Variants in VPS13D observed in about 807,000 individuals in gnomAD.
VPS13D encodes intermembrane lipid transfer protein VPS13D.
VPS13D carries 187 observed loss-of-function variants against 461.9 expected under a neutral mutation model. That is an observed-to-expected ratio of 0.40 (90% CI 0.36 to 0.46). The LOEUF is 0.46. Among genes scored for constraint, VPS13D ranks in the 20% least tolerant of loss-of-function variants. The probability of loss-of-function intolerance (pLI) is 0.60; values close to 1 mark genes in which losing one functional copy is unlikely to be tolerated. For missense variants in VPS13D, 4,711 were observed against 5,364.9 expected (o/e 0.88, Z 3.81); for synonymous variants, 1,951 against 1,986.3 (o/e 0.98, Z 0.47).
intron 30 of VPS13D, among the ~76,000 whole-genome samples, chr1:12,316,961 C>T (rs749681307): frequency 3.9e-5 from 6 of 152,210 alleles, no homozygotes; most frequent in African/African-American, 1.4e-4. Context: ...TGGGTTTTCA[C>T]GTCAAATGTA....
At chr1:12,293,856 G>A in intron 24 of VPS13D, 152 bp downstream of exon 24, 1 of 765,104 alleles carries the variant, frequency 1.3e-6, no homozygotes, top group East Asian at 2.9e-5. Context: ...TTGTGTAATT[G>A]AAGAGCTTTG....
chr1:12,446,303 GTCAC>G (rs1645191347), intron 65 of VPS13D, among the ~76,000 whole-genome samples: 1 of 152,010 alleles, frequency 6.6e-6, no homozygotes, highest in African/African-American at 2.4e-5. Flanking sequence ...TGTAATCCCA[GTCAC>G]TCAGGAGGCT....
chr1:12,414,941 AG>A, intron 63 of VPS13D, 145 bp from the exon 64 acceptor site: 1 of 890,742 alleles, frequency 1.1e-6, no homozygotes, highest in South Asian at 2.0e-5. Context: ...TTATAGTTAT[AG>A]GGAAAATCCT....
At chr1:12,267,986 G>GAGCGA in intron 15 of VPS13D, 66 bp downstream of exon 15, 5 of 1,384,784 alleles carry the variant, frequency 3.6e-6, no homozygotes, top group Non-Finnish European at 5.0e-6. Context: ...CTTTGAGACA[G>GAGCGA]GGCCTCGCTC....
chr1:12,414,387 G>T (rs1049955037), intron 63 of VPS13D, among the ~76,000 whole-genome samples: 16 of 152,092 alleles, frequency 1.1e-4, no homozygotes, highest in Non-Finnish European at 1.8e-4. Context: ...AACAATGGTG[G>T]TTAAATACAT....
intron 56 of VPS13D, 146 bp downstream of exon 56, chr1:12,378,737 T>C: frequency 2.4e-6 from 2 of 844,790 alleles, no homozygotes; most frequent in East Asian, 3.1e-5. Flanking sequence ...TTCCCAAATA[T>C]GAGTATTGGG....
At chr1:12,310,643 G>A (rs577526595) in intron 27 of VPS13D, among the ~76,000 whole-genome samples, 13 of 152,228 alleles carry the variant, frequency 8.5e-5, no homozygotes, top group South Asian at 8.3e-4. Context: ...AAAGATCTTG[G>A]CATCTTTTCT....
rs189295391 is a variant in VPS13D, at chr1:12,279,852, A to G, written c.4602+202A>G. ...GGAATCCGTCTTGTCAGCCTTTTTC[A>G]TATGGAGGAGGGGTGGGTTATCTAG... On this transcript the variant is annotated intron_variant, in intron 20 of 69. Coordinates refer to ENST00000620676, the MANE Select transcript of VPS13D (RefSeq NM_015378.4). The surrounding 1 kb of genome is among the most constrained non-coding windows in gnomAD (Gnocchi z 4.3). Among the ~76,000 whole-genome samples, 151 of 152,148 alleles carry G rather than the reference A, an allele frequency of 9.9e-4. 1 individual carries two copies. The highest frequency in any genetic ancestry group is 3.2e-3 in the African/African-American group (133 of 41,544).
intron 66 of VPS13D, among the ~76,000 whole-genome samples, chr1:12,457,860 T>G (rs1296135450): frequency 6.6e-6 from 1 of 152,252 alleles, no homozygotes; most frequent in Non-Finnish European, 1.5e-5. Context: ...ATTTTAAAAG[T>G]TGACTGTTGG....
intron 37 of VPS13D, among the ~76,000 whole-genome samples, chr1:12,332,539 GTA>G (rs1557715110): frequency 6.6e-6 from 1 of 152,168 alleles, no homozygotes; most frequent in African/African-American, 2.4e-5. Flanking sequence ...CTTAAGAAAG[GTA>G]TATATGCTTG....
chr1:12,376,650 C>T (rs1276823864), intron 55 of VPS13D, among the ~76,000 whole-genome samples: 1 of 152,142 alleles, frequency 6.6e-6, no homozygotes, highest in Non-Finnish European at 1.5e-5. Context: ...ATTTTGACTC[C>T]AATGTTCATG....
chr1:12,276,846 T>G lies in VPS13D; in HGVS notation c.3258T>G (p.Phe1086Leu), dbSNP rs531380964. 6.2e-7 allele frequency: 1 copy of G among 1,614,168 alleles called. No individual in the cohort carries two copies. The highest frequency in any genetic ancestry group is 1.1e-5 in the South Asian group (1 of 91,072). ...QESLIKLEYQFVSSECPSMNL... is the reference protein window; with the variant it reads ...QESLIKLEYQLVSSECPSMNL... ...CCCTTATTAAGTTGGAATATCAGTT[T>G]GTGAGTTCAGAGTGCCCATCGATGA... Residue 1086 changes from phenylalanine (F) to leucine (L), a missense_variant, in exon 19 of 70, where the codon TTT (phenylalanine) becomes TTG (leucine). Phe to Leu is a conservative substitution (Grantham distance 22). This residue lies in a region of VPS13D where 4,411 missense variants were observed against 4,937.8 expected (regional missense o/e 0.89). Coordinates refer to ENST00000620676, the MANE Select transcript of VPS13D (RefSeq NM_015378.4). This position sits in a 1 kb window ranked among gnomAD's most constrained non-coding sequence, Gnocchi z 4.5.
chr1:12,238,343 C>T (rs1233256126), intron 2 of VPS13D, among the ~76,000 whole-genome samples: 1 of 150,794 alleles, frequency 6.6e-6, no homozygotes, highest in African/African-American at 2.4e-5. Context: ...GAGGCTGAGG[C>T]AGGAAGATCC....
chr1:12,443,882 G>A (rs909985375), intron 65 of VPS13D, among the ~76,000 whole-genome samples: 8 of 142,448 alleles, frequency 5.6e-5, no homozygotes, highest in African/African-American at 1.8e-4. Context: ...GTCTTGTTCT[G>A]TTGTCCAGGC....
chr1:12,483,281 T>C (rs1233488278), intron 67 of VPS13D, among the ~76,000 whole-genome samples: 1 of 152,218 alleles, frequency 6.6e-6, no homozygotes, highest in Non-Finnish European at 1.5e-5. Context: ...GAACCAGGCA[T>C]TGTTACTCTT....
rs773576492 is a variant in VPS13D at position 12,354,215 on chromosome 1, G to A, written c.9673G>A (p.Glu3225Lys). ...TACAGCTGATACATCCCAGAACATT[G>A]AGCTGGGTAAGAATGTAGTCAGATG... ...LHTADTSQNI[E>K]LGVSLENFPL... The change falls in exon 47 of 70, where the codon GAG becomes AAG. Residue 3225 changes from glutamate to lysine, a missense_variant. Around this residue, in one of 3 missense-constraint regions of VPS13D, gnomAD observed 4,411 missense variants for 4,937.8 expected, o/e 0.89. Coordinates refer to ENST00000620676, the MANE Select transcript of VPS13D (RefSeq NM_015378.4). 4.3e-5 allele frequency: 69 copies of A among 1,613,952 alleles called. No individual in the cohort carries two copies. The highest frequency in any genetic ancestry group is 5.6e-5 in the Non-Finnish European group (66 of 1,179,984).
At chr1:12,356,282 CTAAA>C in intron 48 of VPS13D, 112 bp from the exon 49 acceptor site, 1 of 1,427,348 alleles carries the variant, frequency 7.0e-7, no homozygotes, top group East Asian at 2.5e-5. Context: ...ACTGAGCCCA[CTAAA>C]TAGATTCAGT....
intron 2 of VPS13D, among the ~76,000 whole-genome samples, chr1:12,236,700 C>T (rs1228296653): frequency 6.6e-6 from 1 of 152,060 alleles, no homozygotes; most frequent in African/African-American, 2.4e-5. Flanking sequence ...TCATTTCAAT[C>T]CATCTACTGA....
intron 65 of VPS13D, among the ~76,000 whole-genome samples, chr1:12,430,623 C>G (rs189165432): frequency 1.3e-5 from 2 of 152,306 alleles, no homozygotes; most frequent in African/African-American, 4.8e-5. Flanking sequence ...GGATGGTGCC[C>G]AGGCTTCACA....
Sources: allele counts gnomAD v4.1 joint callset (sites outside exome capture counted in the v4.1 genomes callset), GRCh38; gene constraint gnomAD v4.1.1; regional missense constraint gnomAD v4.1.1; non-coding constraint Gnocchi (gnomAD v3.1); transcripts MANE v1.5; gene names NCBI Gene and HGNC (gene_info 2026-07-23, HGNC 2026-07-21).